BCAS4: variants seen among roughly 807,000 people sequenced by gnomAD.
The protein encoded by BCAS4 is breast carcinoma-amplified sequence 4.
Under a neutral mutation model 15.7 loss-of-function variants are expected in BCAS4, and 9 were observed. The observed-to-expected ratio is 0.57, with a 90% confidence interval of 0.34 to 1.00. The LOEUF (loss-of-function observed/expected upper bound fraction) is 1.00. Among genes scored for constraint, BCAS4 ranks in the 50% least tolerant of loss-of-function variants. The pLI, the probability that BCAS4 is intolerant of heterozygous loss-of-function variation, is 0.02. For synonymous variants in BCAS4, 101 were observed against 99.5 expected, an observed-to-expected ratio of 1.02 and a Z score of -0.09; for missense variants, 225 against 239.1, an observed-to-expected ratio of 0.94 and a Z score of 0.39.
In BCAS4 at chr20:50,816,013, A is replaced by G. The variant is rs569847093; in HGVS notation, c.91-2198A>G. Among the ~76,000 whole-genome samples the G allele has an allele frequency of 4.6e-5, 7 of 152,108 alleles. No homozygotes were observed. In the South Asian group the frequency reaches 1.0e-3, roughly 23 times the overall value. ...AAAAGTAGTAGATAACTTGAGGGGG[A>G]AAAAAAACCTAATTTTTCTTTTTTG... On this transcript the variant is annotated intron_variant, in intron 1 of 4. Transcript: ENST00000371608.
At chr20:50,871,728 T>C (rs968821058) in intron 4 of BCAS4, among the ~76,000 whole-genome samples, 4 of 152,194 alleles carry the variant, frequency 2.6e-5, no homozygotes, top group African/African-American at 7.2e-5. Context: ...GGCGGGCCCC[T>C]GGTGGGGTGG....
intron 4 of BCAS4, 90 bp downstream of exon 4, chr20:50,841,990 G>A: frequency 1.4e-6 from 2 of 1,420,092 alleles, no homozygotes; most frequent in East Asian, 2.5e-5. Flanking sequence ...AGGAAGCAGA[G>A]TTCAGGGGGG....
Position 50,876,793 on chromosome 20 carries a change from C to T in BCAS4, c.*185C>T, listed in dbSNP as rs1324545279. On this transcript the variant is annotated 3_prime_UTR_variant, in exon 5 of 5. Transcript: ENST00000371608. ...TCCTGGGCTCAAGTGATCCACCCAC[C>T]TTGGCCTTCCAAAGTGGTGGGATTA... The T allele has an allele frequency of 1.4e-6, 1 of 723,670 alleles. No homozygotes were observed. Among genetic ancestry groups the T allele is most frequent in the East Asian group, 4.1e-5 (1 of 24,570 alleles). The allele number at this position is 723,670 out of a possible 1,614,324, so 44.8% of individuals were successfully genotyped here.
At chr20:50,872,390 G>C (rs1176985430) in intron 4 of BCAS4, among the ~76,000 whole-genome samples, 4 of 151,422 alleles carry the variant, frequency 2.6e-5, no homozygotes, top group African/African-American at 9.7e-5. Context: ...CTAACACAGT[G>C]AAACCCCATC....
intron 4 of BCAS4, among the ~76,000 whole-genome samples, chr20:50,864,831 T>C (rs1049386035): frequency 2.6e-5 from 4 of 152,068 alleles, no homozygotes; most frequent in Non-Finnish European, 4.4e-5. Context: ...CAGTGGCTCA[T>C]GCCTGTAATT....
downstream of BCAS4, chr20:50,879,671 G>A (rs930487286): frequency 2.0e-5 from 3 of 152,234 alleles, no homozygotes; most frequent in Non-Finnish European, 4.4e-5. Context: ...AGAGTTGGAA[G>A]GAAATCCCAT....
At chr20:50,847,275 C>T (rs902808820) in intron 4 of BCAS4, among the ~76,000 whole-genome samples, 10 of 152,090 alleles carry the variant, frequency 6.6e-5, no homozygotes, top group Non-Finnish European at 1.0e-4. Context: ...TTAGTAGAGA[C>T]GGAGTTTCGA....
chr20:50,860,829 A>G (rs1979029176), intron 4 of BCAS4, among the ~76,000 whole-genome samples: 1 of 152,132 alleles, frequency 6.6e-6, no homozygotes, highest in South Asian at 2.1e-4. Context: ...AGCCAAGATC[A>G]TGCCACTGTC....
At chr20:50,867,009 AGT>A (rs1979391202) in intron 4 of BCAS4, among the ~76,000 whole-genome samples, 1 of 151,988 alleles carries the variant, frequency 6.6e-6, no homozygotes, top group Admixed American at 6.6e-5. Context: ...TGGTTTATGG[AGT>A]GAGACTGATC....
chr20:50,862,947 C>T (rs141892692), intron 4 of BCAS4, among the ~76,000 whole-genome samples: 4,805 of 152,252 alleles, frequency 0.032, 103 homozygotes, highest in South Asian at 0.064. Context: ...TCTTGTGCCT[C>T]AGCCTCCTGA....
intron 1 of BCAS4, among the ~76,000 whole-genome samples, chr20:50,810,519 C>T (rs1011483330): frequency 3.3e-5 from 5 of 151,766 alleles, no homozygotes; most frequent in Non-Finnish European, 5.9e-5. Flanking sequence ...CTGTGTCCTC[C>T]GGAGGTTTCA....
At chr20:50,842,250 C>T (rs2088493528) in intron 4 of BCAS4, among the ~76,000 whole-genome samples, 1 of 152,190 alleles carries the variant, frequency 6.6e-6, no homozygotes, top group African/African-American at 2.4e-5. Context: ...GTTGCCCTTC[C>T]TGAGGCAGGA....
At chr20:50,796,482 T>C (rs2087863392) in intron 1 of BCAS4, among the ~76,000 whole-genome samples, 1 of 13,624 alleles carries the variant, frequency 7.3e-5, no homozygotes, top group Non-Finnish European at 1.3e-4. Context: ...TATATATATA[T>C]ATATATTTTT....
chr20:50,810,580 T>C (rs982105394), intron 1 of BCAS4, among the ~76,000 whole-genome samples: 6 of 142,102 alleles, frequency 4.2e-5, no homozygotes, highest in African/African-American at 1.7e-4. Context: ...AGTATGTTAT[T>C]TTTTTTGTGT....
At chr20:50,796,410 T>C (rs1224639928) in intron 1 of BCAS4, among the ~76,000 whole-genome samples, 13 of 134,564 alleles carry the variant, frequency 9.7e-5, no homozygotes, top group South Asian at 2.4e-4. Flanking sequence ...TATATATATA[T>C]ACATATATAT....
At chr20:50,835,840 A>G (rs748038563) in intron 3 of BCAS4, among the ~76,000 whole-genome samples, 8 of 152,136 alleles carry the variant, frequency 5.3e-5, no homozygotes, top group Non-Finnish European at 1.2e-4. Context: ...ATGCTCCATT[A>G]AAAGGGGGGA....
At chr20:50,797,198 T>C (rs942627129) in intron 1 of BCAS4, among the ~76,000 whole-genome samples, 4 of 152,194 alleles carry the variant, frequency 2.6e-5, no homozygotes, top group Admixed American at 2.6e-4. Context: ...TGCAACTTGC[T>C]TTTCTTTACT....
chr20:50,800,451 T>A (rs1310621461), intron 1 of BCAS4, among the ~76,000 whole-genome samples: 1 of 151,912 alleles, frequency 6.6e-6, no homozygotes, highest in Non-Finnish European at 1.5e-5. Flanking sequence ...GAGGAGCTGC[T>A]GAGGGGCGGT....
In BCAS4 at chr20:50,830,462, T is replaced by C. The variant is rs2088330837; in HGVS notation, c.264+82T>C. On this transcript the variant is annotated intron_variant, in intron 3 of 4. Transcript: ENST00000371608. Reference sequence around the variant, plus strand: ...TTCCGCAAAGACGCCGATCTGGCCTTGAGCATGTCAGGCATTATGCCCAAT... The same window carrying C: ...TTCCGCAAAGACGCCGATCTGGCCTCGAGCATGTCAGGCATTATGCCCAAT... The C allele has an allele frequency of 3.4e-6, 4 of 1,191,016 alleles. No homozygotes were observed. In the South Asian group the frequency reaches 5.5e-5, roughly 17 times the overall value. The allele number at this position is 1,191,016 out of a possible 1,614,324, so 73.8% of individuals were successfully genotyped here. A position where few individuals can be genotyped will look rare whatever the true frequency, so the allele number is the denominator to read the frequency against.
Sources: gnomAD v4.1 joint callset for allele counts (sites outside exome capture counted in the v4.1 genomes callset) on GRCh38, gnomAD v4.1.1 for gene constraint, MANE v1.5 for transcripts, NCBI Gene and HGNC (gene_info 2026-07-23, HGNC 2026-07-21) for gene names.